Variants in CYFIP1 observed in about 807,000 individuals in gnomAD.
CYFIP1 encodes cytoplasmic FMR1-interacting protein 1.
In CYFIP1, 58 loss-of-function variants were observed where a neutral mutation model predicts 163.5. The observed-to-expected ratio is 0.35, with a 90% CI of 0.29 to 0.44. CYFIP1 has a LOEUF of 0.44. Ranked by LOEUF, CYFIP1 falls within the 20% of genes least tolerant of loss-of-function variation. The pLI, the probability that CYFIP1 is intolerant of heterozygous loss-of-function variation, is 1.00. For synonymous variants in CYFIP1, 663 were observed against 660.7 expected (o/e 1.00, Z -0.05); for missense variants, 1,338 against 1,653.8 (o/e 0.81, Z 3.31).
At chr15:22,976,271 C>A (rs1045905792) in intron 1 of CYFIP1, among the ~76,000 whole-genome samples, 2 of 152,134 alleles carry the variant, frequency 1.3e-5, no homozygotes, top group African/African-American at 4.8e-5. Context: ...GATTCTCCTG[C>A]TTCAGCCTCC....
chr15:22,927,894 G>C lies in CYFIP1; in HGVS notation c.1233+12C>G. The C allele has an allele frequency of 6.3e-7, 1 of 1,595,940 alleles. No homozygotes were observed. Among genetic ancestry groups the C allele is most frequent in the Non-Finnish European group, 8.5e-7 (1 of 1,174,880 alleles). On this transcript the variant is annotated intron_variant, in intron 12 of 30. Coordinates refer to ENST00000617928, the MANE Select transcript of CYFIP1 (RefSeq NM_014608.6). Reference sequence around the variant, plus strand: ...GCTTTGGAGCGGGGCTGGGGTCGGGGACGGGGCCTACCACTTCCATCACGT... The same window carrying C: ...GCTTTGGAGCGGGGCTGGGGTCGGGCACGGGGCCTACCACTTCCATCACGT...
At position 22,916,710 on chromosome 15, in the gene CYFIP1, GAGA is replaced by G. The variant is rs1566968380; in HGVS notation, c.1675-83_1675-81del. On this transcript the variant is annotated intron_variant, in intron 15 of 30. Transcript: ENST00000617928. Reference sequence around the variant, plus strand: ...TATGCCAAACTCAAAAAGCCCATGAGAGAAGGACTGCTCCGCTACGCCCTGGTC... The same window carrying G: ...TATGCCAAACTCAAAAAGCCCATGAGAGGACTGCTCCGCTACGCCCTGGTC... The G allele has an allele frequency of 3.7e-6, 6 of 1,613,994 alleles. No individual in the cohort carries two copies. In the African/African-American group the frequency reaches 8.0e-5, roughly 22 times the overall value.
chr15:22,879,125 G>C lies in CYFIP1; in HGVS notation c.3042+788C>G, dbSNP rs571940439. On this transcript the variant is annotated intron_variant, in intron 26 of 30. Transcript: ENST00000617928. ...CACTCCAGCCGGGGTGACAGAGCAA[G>C]ACTCCGTCTCAAAAAAAAAAAAAAA... Among the ~76,000 whole-genome samples the C allele has an allele frequency of 2.9e-5, 4 of 136,324 alleles. No homozygotes were observed. The South Asian group carries it at 7.3e-4, about 25-fold the overall frequency. 89.4% of individuals were successfully genotyped at this position (136,324 alleles called of 152,430 possible).
intron 8 of CYFIP1, among the ~76,000 whole-genome samples, chr15:22,937,656 T>G (rs1034504555): frequency 2.7e-5 from 4 of 149,208 alleles, no homozygotes; most frequent in Non-Finnish European, 5.9e-5. Context: ...TGGAGTGCAG[T>G]GGTGCCATCT....
At chr15:22,955,721 A>G (rs1390362045) in intron 1 of CYFIP1, among the ~76,000 whole-genome samples, 2 of 151,540 alleles carry the variant, frequency 1.3e-5, no homozygotes, top group Non-Finnish European at 2.9e-5. Flanking sequence ...CCCTCGCCAC[A>G]CTCCCCCTGC....
chr15:22,975,491 ACG>A (rs60725917), intron 1 of CYFIP1, among the ~76,000 whole-genome samples: 6,446 of 150,448 alleles, frequency 0.043, 499 homozygotes, highest in African/African-American at 0.15. Flanking sequence ...TCGGTGGCTA[ACG>A]CCTGTAATCC....
At chr15:22,918,519 T>C (rs998960699) in intron 14 of CYFIP1, among the ~76,000 whole-genome samples, 173 bp downstream of exon 14, 5 of 152,108 alleles carry the variant, frequency 3.3e-5, no homozygotes, top group African/African-American at 1.2e-4. Flanking sequence ...ATTGTTTGGG[T>C]TAATAATTGG....
At chr15:22,872,697 G>T (rs1413050792) in intron 30 of CYFIP1, 128 bp downstream of exon 30, 7 of 921,306 alleles carry the variant, frequency 7.6e-6, no homozygotes, top group Non-Finnish European at 1.1e-5. Context: ...GGAACGAAAA[G>T]AAAGTTTCTG....
At chr15:22,937,996 G>A (rs925483942) in intron 8 of CYFIP1, among the ~76,000 whole-genome samples, 1 of 152,154 alleles carries the variant, frequency 6.6e-6, no homozygotes, top group Non-Finnish European at 1.5e-5. Flanking sequence ...AGCCGGTGCA[G>A]ACACAACGTT....
intron 1 of CYFIP1, among the ~76,000 whole-genome samples, chr15:22,949,639 TAAC>T (rs1403531117): frequency 3.9e-5 from 6 of 152,026 alleles, no homozygotes; most frequent in African/African-American, 1.5e-4. Flanking sequence ...CACAAATACA[TAAC>T]AAGTAAATTA....
intron 1 of CYFIP1, among the ~76,000 whole-genome samples, chr15:22,978,335 G>A (rs1238625806): frequency 1.9e-5 from 2 of 105,700 alleles, no homozygotes; most frequent in African/African-American, 7.3e-5. Flanking sequence ...CTGGGCCACA[G>A]AGTTAAGACT....
At position 22,925,990 on chromosome 15, in the gene CYFIP1, G is replaced by T. The variant is rs754386949; in HGVS notation, c.1351C>A (p.Leu451Ile). The T allele has an allele frequency of 3.1e-6, 5 of 1,613,814 alleles. No homozygotes were observed. The highest frequency in any genetic ancestry group is 4.2e-6 in the Non-Finnish European group (5 of 1,179,760). ...CGGCCGAGCATCCTCACCTCCACTA[G>T]GGCAAACTTCTCCTCGCTGGTGTAG... The part of the protein sequence containing the change: ...YNYTSEEKFA[L>I]VEVIAMIKGL... The change falls in exon 13 of 31, where the codon CTA becomes ATA. Residue 451 changes from leucine (L) to isoleucine (I), a missense_variant. Coordinates refer to ENST00000617928, the MANE Select transcript of CYFIP1 (RefSeq NM_014608.6).
In CYFIP1 at chr15:22,915,939, A is replaced by G. The variant is rs140123793; in HGVS notation, c.1828+538T>C. On this transcript the variant is annotated intron_variant, in intron 16 of 30. Coordinates refer to ENST00000617928, the MANE Select transcript of CYFIP1 (RefSeq NM_014608.6). ...AGCAAAAGTGGTACTATTTCCTCCA[A>G]TACCTCGCAGCACCCCAGCCAAGAC... is the stretch of plus-strand genomic sequence containing the variant. 1.1e-4 allele frequency among the ~76,000 whole-genome samples: 16 copies of G among 152,288 alleles called. No individual in the cohort carries two copies. The East Asian group carries it at 2.9e-3, about 28-fold the overall frequency.
At chr15:22,939,550 C>G in intron 6 of CYFIP1, 43 bp from the exon 7 acceptor site, 1 of 741,006 alleles carries the variant, frequency 1.3e-6, no homozygotes, top group Non-Finnish European at 2.1e-6. Context: ...CACCAACGTG[C>G]CACATTTAAA....
intron 11 of CYFIP1, among the ~76,000 whole-genome samples, chr15:22,931,090 G>A (rs1021352232): frequency 6.6e-6 from 1 of 152,112 alleles, no homozygotes; most frequent in Non-Finnish European, 1.5e-5. Flanking sequence ...GATGATGACT[G>A]GTAACCATGG....
chr15:22,966,428 A>G (rs2062911342), intron 1 of CYFIP1, among the ~76,000 whole-genome samples: 1 of 151,386 alleles, frequency 6.6e-6, no homozygotes, highest in Non-Finnish European at 1.5e-5. Flanking sequence ...AGAGAAGACC[A>G]CGCAAGGACG....
At chr15:22,909,136 C>T (rs2060695096) in intron 21 of CYFIP1, 58 bp downstream of exon 21, 2 of 1,603,186 alleles carry the variant, frequency 1.2e-6, no homozygotes, top group Non-Finnish European at 1.7e-6. Context: ...ATCATCTATA[C>T]AAGAACTGGA....
rs376695832 is a variant in CYFIP1, at chr15:22,974,788, T to C, written c.-7+5499A>G. ...GGTTGTTGCACAGCTCCAGAAATCT[T>C]CTAAAAATTATTGTATAGTTGTCCC... On this transcript the variant is annotated intron_variant, in intron 1 of 30. Coordinates refer to ENST00000617928, the MANE Select transcript of CYFIP1 (RefSeq NM_014608.6). Among the ~76,000 whole-genome samples the C allele has an allele frequency of 2.0e-5, 3 of 152,170 alleles. No individual in the cohort carries two copies. In the East Asian group the frequency reaches 5.8e-4, roughly 29 times the overall value.
At chr15:22,910,685 T>C (rs1475627058) in intron 19 of CYFIP1, 52 bp downstream of exon 19, 3 of 1,604,342 alleles carry the variant, frequency 1.9e-6, no homozygotes, top group East Asian at 4.5e-5. Flanking sequence ...AATGGGAATG[T>C]CAGATCAAAT....
Sources: gnomAD v4.1 joint callset for allele counts (sites outside exome capture counted in the v4.1 genomes callset) on GRCh38, gnomAD v4.1.1 for gene constraint, MANE v1.5 for transcripts, NCBI Gene and HGNC (gene_info 2026-07-23, HGNC 2026-07-21) for gene names.